SCUBE1: variants seen among roughly 807,000 people sequenced by gnomAD.
SCUBE1 encodes the protein signal peptide, CUB and EGF-like domain-containing protein 1.
SCUBE1 carries 59 observed loss-of-function variants against 124.4 expected under a neutral mutation model. The ratio of observed to expected loss-of-function variants is 0.47; its 90% CI spans 0.38 to 0.59. The LOEUF (loss-of-function observed/expected upper bound fraction) is 0.59. Among genes scored for constraint, SCUBE1 ranks in the 20% least tolerant of loss-of-function variants. SCUBE1 has a pLI of 0.00. For missense variants in SCUBE1, 1,150 were observed against 1,371.2 expected (o/e 0.84, Z 2.55); for synonymous variants, 545 against 550.9 (o/e 0.99, Z 0.15).
intron 9 of SCUBE1, 123 bp from the exon 10 acceptor site, chr22:43,227,619 G>A: frequency 8.0e-7 from 1 of 1,253,030 alleles, no homozygotes; most frequent in Non-Finnish European, 1.1e-6. Flanking sequence ...CAGCATCACG[G>A]GATGCAGATG....
chr22:43,203,830 G>A lies in SCUBE1; in HGVS notation c.*167C>T, dbSNP rs1214144771. On this transcript the variant is annotated 3_prime_UTR_variant, in exon 22 of 22. Transcript: ENST00000360835. ...AGCAGGGTGCTCCCACAGGGGCAGC[G>A]GGTCCGAAGGGTGCCTGGGCTCGGT... 6.5e-5 allele frequency: 42 copies of A among 641,906 alleles called. No individual in the cohort carries two copies. The highest frequency in any genetic ancestry group is 4.2e-5 in the Non-Finnish European group (16 of 382,620). 39.8% of individuals were successfully genotyped at this position (641,906 alleles called of 1,614,324 possible).
chr22:43,290,907 T>C, intron 4 of SCUBE1, 139 bp downstream of exon 4: 1 of 903,906 alleles, frequency 1.1e-6, no homozygotes. Context: ...ATACCAGACG[T>C]GCAAAACAGT....
intron 3 of SCUBE1, among the ~76,000 whole-genome samples, chr22:43,299,851 G>A (rs1263191470): frequency 6.6e-6 from 1 of 152,176 alleles, no homozygotes; most frequent in Admixed American, 6.5e-5. Flanking sequence ...TGCCCATTCT[G>A]GACATTTCAT....
intron 10 of SCUBE1, among the ~76,000 whole-genome samples, chr22:43,223,928 C>T (rs1029615640): frequency 2.6e-5 from 4 of 152,224 alleles, no homozygotes; most frequent in African/African-American, 9.6e-5. Context: ...CCCACACAGG[C>T]CATGCTTCTA....
chr22:43,293,520 G>T (rs1419816818), intron 3 of SCUBE1, among the ~76,000 whole-genome samples: 2 of 152,284 alleles, frequency 1.3e-5, no homozygotes, highest in African/African-American at 4.8e-5. Context: ...CTGGAGTCCA[G>T]TGTCAACTTG....
Position 43,210,048 on chromosome 22 carries a change from T to C in SCUBE1, c.2576A>G (p.Lys859Arg). The part of the protein sequence containing the change: ...DECGDVLVMR[K>R]SASPTSITTY... Reference sequence around the variant, plus strand: ...CCCCTCGGCCCCCAACATACCACTCTTCCTCATGACCAGAACATCGCCGCA... The same window carrying C: ...CCCCTCGGCCCCCAACATACCACTCCTCCTCATGACCAGAACATCGCCGCA... Residue 859 changes from lysine to arginine, a missense_variant, in exon 19 of 22, where the codon AAG becomes AGG. By Grantham distance (26) the Lys-to-Arg change is conservative (BLOSUM62 2). Coordinates refer to ENST00000360835, the MANE Select transcript of SCUBE1 (RefSeq NM_173050.5). This position sits in a 1 kb window ranked among gnomAD's most constrained non-coding sequence, Gnocchi z 4.5. 1 of 1,604,602 alleles carries C rather than the reference T, an allele frequency of 6.2e-7. No homozygotes were observed. Among genetic ancestry groups the C allele is most frequent in the Non-Finnish European group, 8.5e-7 (1 of 1,175,184 alleles).
At chr22:43,314,737 C>T (rs772522582) in intron 3 of SCUBE1, among the ~76,000 whole-genome samples, 1 of 151,970 alleles carries the variant, frequency 6.6e-6, no homozygotes, top group South Asian at 2.1e-4. Flanking sequence ...GGGGTGGAGC[C>T]GAGGGTGGGA....
chr22:43,324,451 G>T (rs1241554554), intron 2 of SCUBE1, among the ~76,000 whole-genome samples: 1 of 152,132 alleles, frequency 6.6e-6, no homozygotes, highest in South Asian at 2.1e-4. Flanking sequence ...GGCCTGCTGT[G>T]GCAGCCAGCT....
chr22:43,330,898 A>T (rs571896740), intron 2 of SCUBE1, among the ~76,000 whole-genome samples: 5 of 152,204 alleles, frequency 3.3e-5, no homozygotes, highest in Non-Finnish European at 7.3e-5. Context: ...ACACGTTAGC[A>T]TGCATAATTG....
intron 3 of SCUBE1, among the ~76,000 whole-genome samples, chr22:43,297,800 T>C (rs1230446993): frequency 6.6e-6 from 1 of 152,252 alleles, no homozygotes; most frequent in Non-Finnish European, 1.5e-5. Flanking sequence ...GATCCAGCTC[T>C]GGCTGCTTTG....
At chr22:43,218,900 A>G (rs1377781943) in intron 14 of SCUBE1, among the ~76,000 whole-genome samples, 1 of 151,938 alleles carries the variant, frequency 6.6e-6, no homozygotes, top group Non-Finnish European at 1.5e-5. Context: ...GTGGATTCCA[A>G]TGTCTAGCCA....
chr22:43,243,554 G>A (rs1923089748), intron 6 of SCUBE1, among the ~76,000 whole-genome samples: 1 of 152,236 alleles, frequency 6.6e-6, no homozygotes, highest in Non-Finnish European at 1.5e-5. Context: ...AACAGCTGCA[G>A]CCACTGCTGG....
At chr22:43,326,004 G>T (rs544661568) in intron 2 of SCUBE1, among the ~76,000 whole-genome samples, 3 of 151,774 alleles carry the variant, frequency 2.0e-5, no homozygotes, top group Non-Finnish European at 2.9e-5. Context: ...TTACTCTGTG[G>T]TGTCTAGATT....
At chr22:43,294,481 C>G (rs1356324246) in intron 3 of SCUBE1, among the ~76,000 whole-genome samples, 1 of 152,200 alleles carries the variant, frequency 6.6e-6, no homozygotes. Flanking sequence ...CTTTGGCCCT[C>G]TCCAAGAGGT....
At chr22:43,218,892 G>A (rs1921958712) in intron 14 of SCUBE1, among the ~76,000 whole-genome samples, 1 of 152,134 alleles carries the variant, frequency 6.6e-6, no homozygotes, top group African/African-American at 2.4e-5. Context: ...CACTCCCTGT[G>A]GATTCCAATG....
At chr22:43,290,116 G>A (rs1925301379) in intron 4 of SCUBE1, among the ~76,000 whole-genome samples, 1 of 152,170 alleles carries the variant, frequency 6.6e-6, no homozygotes, top group South Asian at 2.1e-4. Context: ...AGCACACTCT[G>A]CTTTGGTACA....
chr22:43,333,275 C>T (rs966247763), intron 2 of SCUBE1, among the ~76,000 whole-genome samples: 2 of 152,216 alleles, frequency 1.3e-5, no homozygotes, highest in Non-Finnish European at 2.9e-5. Flanking sequence ...GAGCCTTTCC[C>T]GGCTGTCTGA....
At position 43,298,019 on chromosome 22, in the gene SCUBE1, A is replaced by G. The variant is rs1049096596; in HGVS notation, c.350-6839T>C. Among the ~76,000 whole-genome samples, 4 of 152,306 alleles carry G rather than the reference A, an allele frequency of 2.6e-5. No individual in the cohort carries two copies. The South Asian group carries it at 8.3e-4, about 32-fold the overall frequency. On this transcript the variant is annotated intron_variant, in intron 3 of 21. Transcript: ENST00000360835. ...TCCACCTCCAGCACGGAGAGCTCCC[A>G]CCTGGTCCCAGGGGGCTGAGGCCCC...
chr22:43,278,340 G>A (rs116312768), intron 4 of SCUBE1, among the ~76,000 whole-genome samples: 2,100 of 152,366 alleles, frequency 0.014, 49 homozygotes, highest in African/African-American at 0.048. Flanking sequence ...TCCAAGGAGT[G>A]GCTGAAGAAG....
Sources: gnomAD v4.1 joint callset for allele counts (sites outside exome capture counted in the v4.1 genomes callset) on GRCh38, gnomAD v4.1.1 for gene constraint, Gnocchi (gnomAD v3.1) non-coding constraint, MANE v1.5 for transcripts, NCBI Gene and HGNC (gene_info 2026-07-23, HGNC 2026-07-21) for gene names.